Variants in GABRG3 observed in about 807,000 individuals in gnomAD.
The protein encoded by GABRG3 is gamma-aminobutyric acid type A receptor subunit gamma3.
Under a neutral mutation model 48.8 loss-of-function variants are expected in GABRG3, and 25 were observed. That is an observed-to-expected ratio of 0.51 (90% confidence interval 0.37 to 0.72). The LOEUF is 0.72. GABRG3 is among the 30% of genes least tolerant of loss of function. The pLI is 0.00. For synonymous variants in GABRG3, 227 were observed against 217.6 expected (o/e 1.04, Z -0.38); for missense variants, 394 against 577.9 (o/e 0.68, Z 3.26).
chr15:27,282,886 C>G (rs1891483664), intron 3 of GABRG3, among the ~76,000 whole-genome samples: 1 of 152,104 alleles, frequency 6.6e-6, no homozygotes, highest in South Asian at 2.1e-4. Context: ...GGTGGACACC[C>G]CCCCAGCCTC....
intron 3 of GABRG3, among the ~76,000 whole-genome samples, chr15:27,070,280 G>A (rs1006049700): frequency 6.6e-6 from 1 of 152,202 alleles, no homozygotes; most frequent in Non-Finnish European, 1.5e-5. Flanking sequence ...GCTTCCCATT[G>A]GTAGGATGTG....
chr15:27,146,150 C>T (rs982660173), intron 3 of GABRG3, among the ~76,000 whole-genome samples: 10 of 152,098 alleles, frequency 6.6e-5, no homozygotes, highest in African/African-American at 7.2e-5. Context: ...AACAGTAACT[C>T]AAATCTACGT....
intron 2 of GABRG3, among the ~76,000 whole-genome samples, chr15:26,985,620 A>G (rs1895136809): frequency 6.6e-6 from 1 of 152,082 alleles, no homozygotes; most frequent in African/African-American, 2.4e-5. Context: ...AGAGGATTGG[A>G]TTAGCCAGTG....
intron 5 of GABRG3, among the ~76,000 whole-genome samples, chr15:27,377,059 G>A (rs1895621038): frequency 6.6e-6 from 1 of 152,098 alleles, no homozygotes; most frequent in Admixed American, 6.6e-5. Flanking sequence ...TCTCTCTCAA[G>A]TTCAAAGTTC....
At chr15:26,997,420 A>G (rs928787443) in intron 2 of GABRG3, among the ~76,000 whole-genome samples, 2 of 152,208 alleles carry the variant, frequency 1.3e-5, no homozygotes, top group Non-Finnish European at 2.9e-5. Context: ...TATTTCAAAA[A>G]AACTTTGACA....
chr15:26,983,236 T>C (rs1268266337), intron 2 of GABRG3, among the ~76,000 whole-genome samples: 1 of 151,982 alleles, frequency 6.6e-6, no homozygotes. Flanking sequence ...AGTGAACTTA[T>C]ATGTACATAA....
At chr15:27,520,151 A>G (rs748615417) in intron 7 of GABRG3, 27 bp downstream of exon 7, 1 of 1,574,470 alleles carries the variant, frequency 6.4e-7, no homozygotes, top group Non-Finnish European at 8.6e-7. Context: ...CTCTTCCACA[A>G]ATTTGCGTAA....
chr15:27,259,681 C>T (rs1171686156), intron 3 of GABRG3, among the ~76,000 whole-genome samples: 3 of 152,106 alleles, frequency 2.0e-5, no homozygotes, highest in Non-Finnish European at 2.9e-5. Context: ...CTTCACTTAG[C>T]AGATAGAGAG....
intron 6 of GABRG3, among the ~76,000 whole-genome samples, chr15:27,497,654 G>A (rs1890519477): frequency 6.6e-6 from 1 of 152,172 alleles, no homozygotes; most frequent in Non-Finnish European, 1.5e-5. Flanking sequence ...GGCAGATTTG[G>A]TGTTCCTATT....
intron 3 of GABRG3, among the ~76,000 whole-genome samples, chr15:27,160,021 C>A (rs1887116764): frequency 6.6e-6 from 1 of 152,118 alleles, no homozygotes; most frequent in Admixed American, 6.5e-5. Flanking sequence ...GGCTGCCTGC[C>A]ACAGTGGCCC....
chr15:27,232,447 G>C (rs748901873), intron 3 of GABRG3, among the ~76,000 whole-genome samples: 16 of 152,228 alleles, frequency 1.1e-4, no homozygotes, highest in Non-Finnish European at 1.9e-4. Context: ...TTCTTGCCTC[G>C]TTCCAGAACC....
intron 3 of GABRG3, among the ~76,000 whole-genome samples, chr15:27,252,049 G>A (rs1012794980): frequency 1.3e-5 from 2 of 152,180 alleles, no homozygotes; most frequent in African/African-American, 4.8e-5. Flanking sequence ...GCCCTGAGGG[G>A]ATCTGTCATT....
intron 3 of GABRG3, among the ~76,000 whole-genome samples, chr15:27,093,290 G>A (rs1356698252): frequency 6.6e-6 from 1 of 152,210 alleles, no homozygotes; most frequent in Non-Finnish European, 1.5e-5. Flanking sequence ...CTTACTGCAT[G>A]ACAGTGAGCA....
intron 3 of GABRG3, among the ~76,000 whole-genome samples, chr15:27,119,851 G>A (rs1158103926): frequency 6.6e-6 from 1 of 152,188 alleles, no homozygotes; most frequent in East Asian, 1.9e-4. Flanking sequence ...CAGCACAGCT[G>A]CTGACTTCAT....
At chr15:27,069,866 A>G (rs1182950472) in intron 3 of GABRG3, among the ~76,000 whole-genome samples, 1 of 152,258 alleles carries the variant, frequency 6.6e-6, no homozygotes, top group Non-Finnish European at 1.5e-5. Context: ...ATGGGCACAG[A>G]GAGCTTGCAG....
At chr15:27,326,728 CACA>C in intron 3 of GABRG3, 78 bp from the exon 4 acceptor site, 1 of 1,156,482 alleles carries the variant, frequency 8.6e-7, no homozygotes, top group African/African-American at 1.5e-5. Flanking sequence ...ATGGAGAGAA[CACA>C]ACGTTTGACA....
intron 3 of GABRG3, among the ~76,000 whole-genome samples, chr15:27,141,873 G>A (rs1031127890): frequency 7.2e-5 from 11 of 152,088 alleles, no homozygotes; most frequent in Admixed American, 2.6e-4. Context: ...CTTGTTGGCC[G>A]TTTCTGCTGT....
chr15:27,513,694 G>A (rs1890954036), intron 6 of GABRG3, among the ~76,000 whole-genome samples: 1 of 151,666 alleles, frequency 6.6e-6, no homozygotes, highest in Non-Finnish European at 1.5e-5. Flanking sequence ...GGCTGTATTG[G>A]AAAAAAAATC....
At chr15:27,140,816 A>G (rs2140389564) in intron 3 of GABRG3, among the ~76,000 whole-genome samples, 2 of 152,132 alleles carry the variant, frequency 1.3e-5, no homozygotes, top group Middle Eastern at 3.4e-3. Flanking sequence ...TATGTTGTTT[A>G]TTCATCTATT....
Sources: allele counts gnomAD v4.1 joint callset (sites outside exome capture counted in the v4.1 genomes callset), GRCh38; gene constraint gnomAD v4.1.1; transcripts MANE v1.5; gene names NCBI Gene and HGNC (gene_info 2026-07-23, HGNC 2026-07-21).